Variants in ATP8A2 observed in about 807,000 individuals in gnomAD.
ATP8A2 encodes the protein phospholipid-transporting ATPase IB.
In ATP8A2, 100 loss-of-function variants were observed where a neutral mutation model predicts 165.6. The observed-to-expected ratio is 0.60, with a 90% CI of 0.51 to 0.71. The LOEUF (loss-of-function observed/expected upper bound fraction) is 0.71, where lower values mean the gene tolerates loss of function less well. Ranked by LOEUF, ATP8A2 falls within the 30% of genes least tolerant of loss-of-function variation. The probability of loss-of-function intolerance (pLI) is 0.00; values close to 1 mark genes in which losing one functional copy is unlikely to be tolerated. For missense variants in ATP8A2, 1,227 were observed against 1,479.5 expected (o/e 0.83, Z 2.80); for synonymous variants, 543 against 548.8 (o/e 0.99, Z 0.15).
chr13:26,006,997 A>T (rs1035035943), intron 35 of ATP8A2, among the ~76,000 whole-genome samples: 4 of 151,866 alleles, frequency 2.6e-5, no homozygotes, highest in Admixed American at 2.0e-4. Context: ...TCTTTAAAAA[A>T]AAAAAAGGAA....
chr13:25,578,211 C>A (rs2039671032), intron 20 of ATP8A2, among the ~76,000 whole-genome samples: 1 of 152,100 alleles, frequency 6.6e-6, no homozygotes, highest in Admixed American at 6.5e-5. Flanking sequence ...TCTCCAAAAC[C>A]AAACTCAGTT....
intron 30 of ATP8A2, among the ~76,000 whole-genome samples, chr13:25,843,520 G>A (rs1330069304): frequency 6.6e-6 from 1 of 152,076 alleles, no homozygotes; most frequent in Non-Finnish European, 1.5e-5. Flanking sequence ...AAGGACCCTA[G>A]AGAGCTCATT....
At chr13:25,443,734 T>C (rs931735131) in intron 1 of ATP8A2, among the ~76,000 whole-genome samples, 5 of 152,234 alleles carry the variant, frequency 3.3e-5, no homozygotes, top group African/African-American at 1.2e-4. Flanking sequence ...ATTTTGTTTA[T>C]TGTCTCTCTT....
intron 21 of ATP8A2, among the ~76,000 whole-genome samples, chr13:25,579,537 A>G (rs1360961511): frequency 6.6e-6 from 1 of 152,112 alleles, no homozygotes; most frequent in Non-Finnish European, 1.5e-5. Flanking sequence ...CACATGGATC[A>G]TGCACAGCTC....
intron 36 of ATP8A2, among the ~76,000 whole-genome samples, chr13:26,018,842 A>C (rs561074645): frequency 1.2e-4 from 19 of 152,296 alleles, no homozygotes; most frequent in African/African-American, 4.6e-4. Context: ...GAGGAGTATA[A>C]TCCCCTATCT....
chr13:25,490,960 G>C (rs1394765411), intron 2 of ATP8A2, among the ~76,000 whole-genome samples: 1 of 151,810 alleles, frequency 6.6e-6, no homozygotes, highest in Non-Finnish European at 1.5e-5. Flanking sequence ...GCCCAGGCTG[G>C]TCTCAAACTC....
At chr13:25,701,070 T>G (rs1593219746) in intron 25 of ATP8A2, among the ~76,000 whole-genome samples, 2 of 152,328 alleles carry the variant, frequency 1.3e-5, no homozygotes, top group Admixed American at 1.3e-4. Flanking sequence ...GTATAAGGGT[T>G]CTTTAGCTAC....
At chr13:25,642,915 G>A (rs2041569662) in intron 24 of ATP8A2, among the ~76,000 whole-genome samples, 1 of 152,182 alleles carries the variant, frequency 6.6e-6, no homozygotes, top group African/African-American at 2.4e-5. Context: ...CCTTTGTAGG[G>A]ACATGGATGA....
chr13:25,777,154 A>G (rs1036782704), intron 27 of ATP8A2, among the ~76,000 whole-genome samples: 1 of 152,162 alleles, frequency 6.6e-6, no homozygotes, highest in South Asian at 2.1e-4. Context: ...AACATTCTTT[A>G]TAAAGTTAAA....
chr13:25,610,123 A>G (rs976435061), intron 24 of ATP8A2, among the ~76,000 whole-genome samples: 1 of 151,938 alleles, frequency 6.6e-6, no homozygotes, highest in African/African-American at 2.4e-5. Flanking sequence ...GTGTAATTAA[A>G]TCCCATCTAT....
intron 2 of ATP8A2, among the ~76,000 whole-genome samples, chr13:25,489,678 A>G (rs2036462814): frequency 6.6e-6 from 1 of 152,220 alleles, no homozygotes; most frequent in Non-Finnish European, 1.5e-5. Flanking sequence ...TGAACAGAAA[A>G]TGAGAATTGG....
intron 31 of ATP8A2, 29 bp downstream of exon 31, chr13:25,860,285 T>C: frequency 1.3e-6 from 2 of 1,486,844 alleles, no homozygotes; most frequent in Non-Finnish European, 1.9e-6. Flanking sequence ...ATTAAGCCAT[T>C]CTTAAACAGC....
At chr13:25,917,467 G>T (rs9507600) in intron 33 of ATP8A2, among the ~76,000 whole-genome samples, 30,466 of 152,236 alleles carry the variant, frequency 0.2, 3,844 homozygotes, top group Non-Finnish European at 0.29. Flanking sequence ...AACCCTGAAG[G>T]GGTTTTTATA....
rs1955447621 is a variant in ATP8A2 at position 25,953,860 on chromosome 13, G to C, written c.3184-7715G>C. ...TTTCCCATGGTCTTCGCAAACTGCA[G>C]ACCAGGAGATTCCCTCCGGTGCCTA... On this transcript the variant is annotated intron_variant, in intron 33 of 36. Coordinates refer to ENST00000381655, the MANE Select transcript of ATP8A2 (RefSeq NM_016529.6). This position sits in a 1 kb window ranked among gnomAD's most constrained non-coding sequence, Gnocchi z 6.7. Among the ~76,000 whole-genome samples the C allele has an allele frequency of 6.6e-6, 1 of 152,184 alleles. No homozygotes were observed. Among genetic ancestry groups the C allele is most frequent in the Admixed American group, 6.5e-5 (1 of 15,280 alleles).
chr13:25,541,063 C>T (rs1310899214), intron 8 of ATP8A2, among the ~76,000 whole-genome samples: 1 of 151,948 alleles, frequency 6.6e-6, no homozygotes, highest in Admixed American at 6.6e-5. Flanking sequence ...TGGGGTTTCA[C>T]CATGTTGGCC....
chr13:25,508,564 G>C (rs897245050), intron 2 of ATP8A2, among the ~76,000 whole-genome samples: 4 of 152,158 alleles, frequency 2.6e-5, no homozygotes, highest in Non-Finnish European at 5.9e-5. Context: ...TCAGAAAATG[G>C]CATAATGTCT....
intron 2 of ATP8A2, among the ~76,000 whole-genome samples, chr13:25,516,592 C>T (rs1364725403): frequency 6.6e-6 from 1 of 152,094 alleles, no homozygotes; most frequent in Admixed American, 6.5e-5. Context: ...TGTAATGATT[C>T]CTGTACTTGT....
At chr13:25,629,239 A>C (rs568630461) in intron 24 of ATP8A2, among the ~76,000 whole-genome samples, 1 of 152,314 alleles carries the variant, frequency 6.6e-6, no homozygotes, top group South Asian at 2.1e-4. Context: ...TAACCTCTTC[A>C]GTCTAAGAAT....
Position 25,571,400 on chromosome 13 carries a change from T to A in ATP8A2, c.1580-210T>A, listed in dbSNP as rs140899036. ...ATTCTTGTCCTGGTGAATTAGCATATATCCAAGCCTCCCATCTAACAGGAG... is the reference window on the plus strand; with the variant it reads ...ATTCTTGTCCTGGTGAATTAGCATAAATCCAAGCCTCCCATCTAACAGGAG... On this transcript the variant is annotated intron_variant, in intron 17 of 36. Transcript: ENST00000381655. 1.4e-3 allele frequency among the ~76,000 whole-genome samples: 210 copies of A among 152,316 alleles called. 1 individual carries two copies. Among genetic ancestry groups the A allele is most frequent in the African/African-American group, 4.9e-3 (205 of 41,572 alleles).
Sources: gnomAD v4.1 joint callset for allele counts (sites outside exome capture counted in the v4.1 genomes callset) on GRCh38, gnomAD v4.1.1 for gene constraint, Gnocchi (gnomAD v3.1) non-coding constraint, MANE v1.5 for transcripts, NCBI Gene and HGNC (gene_info 2026-07-23, HGNC 2026-07-21) for gene names.